The following AHCY variants were observed in gnomAD, a reference collection of about 807,000 sequenced individuals.
AHCY encodes S-adenosyl-L-homocysteine hydrolase.
A neutral mutation model predicts 45.4 loss-of-function variants in AHCY; 24 were observed. The ratio of observed to expected loss-of-function variants is 0.53; its 90% CI spans 0.38 to 0.74. The LOEUF is 0.74. Among genes scored for constraint, AHCY ranks in the 30% least tolerant of loss-of-function variants. The probability of loss-of-function intolerance (pLI) is 0.00; values close to 1 mark genes in which losing one functional copy is unlikely to be tolerated. For synonymous variants in AHCY, 245 were observed against 235.1 expected, an observed-to-expected ratio of 1.04 and a Z score of -0.39; for missense variants, 449 against 594.1, an observed-to-expected ratio of 0.76 and a Z score of 2.54.
the AHCY span, among the ~76,000 whole-genome samples, chr20:34,240,372 G>C: frequency 1.3e-5 from 2 of 152,132 alleles, no homozygotes; most frequent in African/African-American, 4.8e-5. Context: ...CTCTGATTTA[G>C]TTGGGTATGA....
Position 34,290,240 on chromosome 20 carries a change from T to A in AHCY, c.972+92A>T. The A allele has an allele frequency of 8.1e-7, 1 of 1,233,218 alleles. No homozygotes were observed. 76.4% of individuals were successfully genotyped at this position (1,233,218 alleles called of 1,614,324 possible). A position where few individuals can be genotyped will look rare whatever the true frequency, so the allele number is the denominator to read the frequency against. On this transcript the variant is annotated intron_variant, in intron 8 of 9. Coordinates refer to ENST00000217426, the MANE Select transcript of AHCY (RefSeq NM_000687.4). This position sits in a 1 kb window ranked among gnomAD's most constrained non-coding sequence, Gnocchi z 4.5. The stretch of plus-strand genomic sequence containing the variant: ...TCTTCTCCCCATCCCCCTGCACAGG[T>A]TGCCACCATCTCCTCAGCTCTCCTC...
chr20:34,255,829 G>A, the AHCY span, among the ~76,000 whole-genome samples: 11 of 152,298 alleles, frequency 7.2e-5, no homozygotes, highest in African/African-American at 2.2e-4. Context: ...AGTGGACCTT[G>A]GTCTAGTGGT....
intron 3 of AHCY, chr20:34,293,601 A>C (rs2036475148): frequency 3.5e-6 from 1 of 282,494 alleles, no homozygotes; most frequent in African/African-American, 2.2e-5. Context: ...AGCAATCTTG[A>C]ATGTCCTAAT....
the AHCY span, among the ~76,000 whole-genome samples, chr20:34,265,805 C>A: frequency 1.3e-5 from 2 of 151,994 alleles, no homozygotes. Flanking sequence ...CAAAAATTAG[C>A]TGGGTATGGT....
At chr20:34,238,110 C>T in the AHCY span, among the ~76,000 whole-genome samples, 5 of 152,072 alleles carry the variant, frequency 3.3e-5, no homozygotes, top group Admixed American at 6.6e-5. Flanking sequence ...TTGATTATAC[C>T]GTATCTTTGT....
the AHCY span, chr20:34,246,332 T>C: frequency 1.0e-5 from 16 of 1,547,840 alleles, no homozygotes; most frequent in East Asian, 2.9e-4. Flanking sequence ...GGGTGAATTT[T>C]CTACAGTAAA....
the AHCY span, among the ~76,000 whole-genome samples, chr20:34,232,942 A>T: frequency 1.3e-5 from 2 of 152,166 alleles, no homozygotes; most frequent in African/African-American, 2.4e-5. Context: ...GACATAGAGA[A>T]CATTAACTGT....
chr20:34,295,117 A>C, intron 2 of AHCY: 1 of 554,870 alleles, frequency 1.8e-6, no homozygotes, highest in Non-Finnish European at 3.3e-6. Context: ...ACTAAGTAGG[A>C]CATGGGTGTT....
the AHCY span, among the ~76,000 whole-genome samples, chr20:34,257,147 G>A: frequency 0.12 from 17,929 of 148,426 alleles, 1,166 homozygotes; most frequent in East Asian, 0.22. Flanking sequence ...GAAGTGGTAC[G>A]ATCTCAGCTC....
At chr20:34,288,572 C>G (rs1247659899) in intron 8 of AHCY, among the ~76,000 whole-genome samples, 1 of 151,976 alleles carries the variant, frequency 6.6e-6, no homozygotes, top group Admixed American at 6.6e-5. Flanking sequence ...AAGGCTGAGG[C>G]AGGAGGATCA....
chr20:34,269,977 A>AAAAAAAAAAAAAAAAAAG, the AHCY span, among the ~76,000 whole-genome samples: 1 of 135,022 alleles, frequency 7.4e-6, no homozygotes, highest in African/African-American at 2.8e-5. Context: ...AAAAAAAAAA[A>AAAAAAAAAAAAAAAAAAG]AACAAGAAAA....
chr20:34,281,794 G>A (rs186164004), intron 9 of AHCY: 4 of 164,896 alleles, frequency 2.4e-5, no homozygotes, highest in African/African-American at 7.2e-5. Flanking sequence ...TCAGCCTCCC[G>A]AGGAGCTGGG....
the AHCY span, among the ~76,000 whole-genome samples, chr20:34,262,259 T>C: frequency 5.3e-5 from 8 of 152,236 alleles, no homozygotes; most frequent in African/African-American, 1.9e-4. Context: ...AAGACAATAC[T>C]GCAAGGCAGA....
At chr20:34,264,857 A>G in the AHCY span, among the ~76,000 whole-genome samples, 1 of 134,308 alleles carries the variant, frequency 7.4e-6, no homozygotes, top group Non-Finnish European at 1.5e-5. Flanking sequence ...GTGCAGTGGC[A>G]CCATCTCGGC....
At chr20:34,295,356 A>C in intron 2 of AHCY, 39 bp downstream of exon 2, 1 of 1,611,848 alleles carries the variant, frequency 6.2e-7, no homozygotes, top group East Asian at 2.2e-5. Context: ...GAACCCAGGG[A>C]GGGCAAGGAC....
the AHCY span, among the ~76,000 whole-genome samples, chr20:34,267,459 CAAAAA>C: frequency 6.5e-5 from 3 of 46,282 alleles, no homozygotes; most frequent in East Asian, 7.1e-4. Flanking sequence ...AACTGGCTCT[CAAAAA>C]AAAAAAAAAA....
the AHCY span, among the ~76,000 whole-genome samples, chr20:34,245,499 G>T: frequency 6.6e-6 from 1 of 151,204 alleles, no homozygotes; most frequent in Non-Finnish European, 1.5e-5. Flanking sequence ...GCGATTCTCA[G>T]GCCTCAGCCT....
chr20:34,282,724 C>T (rs2036043139), intron 9 of AHCY, among the ~76,000 whole-genome samples: 1 of 152,178 alleles, frequency 6.6e-6, no homozygotes, highest in African/African-American at 2.4e-5. Flanking sequence ...AAATGTGTCT[C>T]AAGCATCCCA....
the AHCY span, among the ~76,000 whole-genome samples, chr20:34,240,198 G>T: frequency 6.6e-6 from 1 of 152,208 alleles, no homozygotes; most frequent in South Asian, 2.1e-4. Context: ...ACTCTGATTG[G>T]TGAGTGATGG....
Sources: gnomAD v4.1 joint callset for allele counts (sites outside exome capture counted in the v4.1 genomes callset) on GRCh38, gnomAD v4.1.1 for gene constraint, Gnocchi (gnomAD v3.1) non-coding constraint, MANE v1.5 for transcripts, NCBI Gene and HGNC (gene_info 2026-07-23, HGNC 2026-07-21) for gene names.